The following FUT9 variants were observed in gnomAD, a reference collection of about 807,000 sequenced individuals.
FUT9 encodes the protein 4-galactosyl-N-acetylglucosaminide 3-alpha-L-fucosyltransferase 9.
A neutral mutation model predicts 29.7 loss-of-function variants in FUT9; 15 were observed. The ratio of observed to expected loss-of-function variants is 0.51; its 90% CI spans 0.34 to 0.78. The LOEUF (loss-of-function observed/expected upper bound fraction) is 0.78. Ranked by LOEUF, FUT9 falls within the 30% of genes least tolerant of loss-of-function variation. The pLI is 0.01. For missense variants in FUT9, 319 were observed against 425.4 expected (o/e 0.75, Z 2.20); for synonymous variants, 169 against 153.7 (o/e 1.10, Z -0.74).
chr6:96,086,725 G>T (rs1267467777), intron 1 of FUT9, among the ~76,000 whole-genome samples: 1 of 152,020 alleles, frequency 6.6e-6, no homozygotes, highest in Non-Finnish European at 1.5e-5. Flanking sequence ...CAGAGTTCTT[G>T]CCTTTGTGTG....
intron 2 of FUT9, among the ~76,000 whole-genome samples, chr6:96,173,449 A>G (rs891261894): frequency 6.6e-6 from 1 of 152,118 alleles, no homozygotes; most frequent in African/African-American, 2.4e-5. Context: ...ACGACTGATC[A>G]TATTTCTTGG....
At chr6:96,140,786 G>T (rs1772447748) in intron 2 of FUT9, among the ~76,000 whole-genome samples, 1 of 152,078 alleles carries the variant, frequency 6.6e-6, no homozygotes, top group African/African-American at 2.4e-5. Flanking sequence ...ACCTCCTACT[G>T]CATCCCCCTC....
At chr6:96,174,937 A>C (rs1773178111) in intron 2 of FUT9, among the ~76,000 whole-genome samples, 1 of 152,174 alleles carries the variant, frequency 6.6e-6, no homozygotes, top group Non-Finnish European at 1.5e-5. Context: ...AAATCATCAG[A>C]TTCTAAAGCA....
chr6:96,043,729 G>A (rs184079434), intron 1 of FUT9, among the ~76,000 whole-genome samples: 1 of 152,088 alleles, frequency 6.6e-6, no homozygotes, highest in Non-Finnish European at 1.5e-5. Context: ...GCTCCCACAG[G>A]GGCTTTTTGT....
chr6:96,135,646 G>A (rs560624672), intron 2 of FUT9, among the ~76,000 whole-genome samples: 1 of 151,866 alleles, frequency 6.6e-6, no homozygotes, highest in Non-Finnish European at 1.5e-5. Flanking sequence ...AAGGTACCGG[G>A]GGAGAAAGAA....
intron 1 of FUT9, among the ~76,000 whole-genome samples, chr6:96,071,528 T>C (rs895171029): frequency 7.9e-5 from 12 of 152,184 alleles, no homozygotes; most frequent in Non-Finnish European, 2.9e-5. Context: ...AGTAAAAAAA[T>C]TGGTTTGCCC....
intron 2 of FUT9, among the ~76,000 whole-genome samples, chr6:96,122,710 T>G (rs948801848): frequency 1.4e-4 from 21 of 152,082 alleles, no homozygotes; most frequent in African/African-American, 4.8e-4. Context: ...AATTTAAATA[T>G]TTGTCAAATA....
chr6:96,058,336 A>AT (rs1296963705), intron 1 of FUT9, among the ~76,000 whole-genome samples: 2 of 152,008 alleles, frequency 1.3e-5, no homozygotes, highest in East Asian at 1.9e-4. Flanking sequence ...TTAAGCTTGA[A>AT]TTTTTTAAAG....
intron 1 of FUT9, among the ~76,000 whole-genome samples, chr6:96,021,614 T>A (rs1183641014): frequency 6.6e-6 from 1 of 152,060 alleles, no homozygotes; most frequent in Admixed American, 6.6e-5. Flanking sequence ...ATTATCTATG[T>A]TTTATTTACT....
chr6:96,062,925 A>G (rs1291963606), intron 1 of FUT9, among the ~76,000 whole-genome samples: 1 of 152,194 alleles, frequency 6.6e-6, no homozygotes, highest in Non-Finnish European at 1.5e-5. Context: ...AAAGAGTTAA[A>G]GTAGCTGGCC....
chr6:96,201,549 A>G lies in FUT9; in HGVS notation c.-8-1599A>G, dbSNP rs117234338. ...GTTGACCGATTTGTTAATTTTCTGA[A>G]ATGTGTGCAAAGCTATAATTTCCTT... is the stretch of plus-strand genomic sequence containing the variant. On this transcript the variant is annotated intron_variant, in intron 2 of 2. Transcript: ENST00000302103. Among the ~76,000 whole-genome samples, 1,229 of 151,986 alleles carry G rather than the reference A, an allele frequency of 8.1e-3. 11 individuals carry two copies. Among genetic ancestry groups the G allele is most frequent in the Non-Finnish European group, 0.012 (795 of 67,916 alleles).
At chr6:96,190,967 A>G (rs9377488) in intron 2 of FUT9, among the ~76,000 whole-genome samples, 138,874 of 152,154 alleles carry the variant, frequency 0.91, 64,723 homozygotes, top group Non-Finnish European at 1. Context: ...CGTTCCTTTG[A>G]AGGGGGAGAG....
chr6:96,021,770 C>T (rs1471228330), intron 1 of FUT9, among the ~76,000 whole-genome samples: 1 of 151,910 alleles, frequency 6.6e-6, no homozygotes, highest in Non-Finnish European at 1.5e-5. Flanking sequence ...GTCATCTGAC[C>T]TAGAACACGG....
At chr6:96,091,589 G>T (rs992733861) in intron 1 of FUT9, among the ~76,000 whole-genome samples, 2 of 152,024 alleles carry the variant, frequency 1.3e-5, no homozygotes, top group African/African-American at 4.8e-5. Flanking sequence ...CTTTTTCTAA[G>T]AACATTTTGA....
chr6:96,195,964 A>T (rs1773617358), intron 2 of FUT9, among the ~76,000 whole-genome samples: 1 of 152,172 alleles, frequency 6.6e-6, no homozygotes. Flanking sequence ...ATATAAAATA[A>T]AGAGATTTCT....
rs1431558232 is a variant in FUT9, at chr6:96,204,828, T to G, written c.*593T>G. The G allele has an allele frequency of 6.0e-6, 1 of 166,590 alleles. No individual in the cohort carries two copies. Among genetic ancestry groups the G allele is most frequent in the African/African-American group, 2.4e-5 (1 of 41,466 alleles). The allele number at this position is 166,590 out of a possible 1,614,324, so 10.3% of individuals were successfully genotyped here. ...AAGATATGAAGCAGAACTGTTCTAT[T>G]CGGGAAGCTATTAGACTTCTCATTT... is the stretch of plus-strand genomic sequence containing the variant. On this transcript the variant is annotated 3_prime_UTR_variant, in exon 3 of 3. Transcript: ENST00000302103.
At chr6:96,103,770 T>C (rs932676995) in intron 1 of FUT9, among the ~76,000 whole-genome samples, 1 of 152,202 alleles carries the variant, frequency 6.6e-6, no homozygotes, top group African/African-American at 2.4e-5. Flanking sequence ...CATCTTTTCT[T>C]TATTGACGTA....
intron 1 of FUT9, among the ~76,000 whole-genome samples, chr6:96,044,795 T>G (rs1770532792): frequency 6.6e-6 from 1 of 152,198 alleles, no homozygotes; most frequent in African/African-American, 2.4e-5. Context: ...TAAGTAATCT[T>G]TTATTATGCT....
chr6:96,031,283 A>C (rs528727062), intron 1 of FUT9, among the ~76,000 whole-genome samples: 1 of 151,710 alleles, frequency 6.6e-6, no homozygotes, highest in East Asian at 1.9e-4. Flanking sequence ...GCATTATTCC[A>C]AAGTATTGAC....
Sources: gnomAD v4.1 joint callset for allele counts (sites outside exome capture counted in the v4.1 genomes callset) on GRCh38, gnomAD v4.1.1 for gene constraint, MANE v1.5 for transcripts, NCBI Gene and HGNC (gene_info 2026-07-23, HGNC 2026-07-21) for gene names.